The following OPRM1 variants were observed in gnomAD, a reference collection of about 807,000 sequenced individuals.
The protein encoded by OPRM1 is mu-type opioid receptor.
In OPRM1, 27 loss-of-function variants were observed where a neutral mutation model predicts 31.8. The observed-to-expected ratio is 0.85, with a 90% confidence interval of 0.63 to 1.17. OPRM1 has a LOEUF of 1.17. Among genes scored for constraint, OPRM1 ranks in the 50% most tolerant of loss-of-function variants. The pLI is 0.00. For missense variants in OPRM1, 536 were observed against 511.1 expected (o/e 1.05, Z -0.47); for synonymous variants, 196 against 189.9 (o/e 1.03, Z -0.26).
rs554206677 is a variant in OPRM1 at position 154,216,277 on chromosome 6, T to TA, written c.1165-30415dup. The stretch of plus-strand genomic sequence containing the variant: ...AACACTGATTCTATCAATTTCCTGT[T>TA]ATAATGAAGCTAATGAGAGGACTAA... On this transcript the variant is annotated intron_variant, in intron 3 of 3. Coordinates refer to the OPRM1 transcript ENST00000337049. Among the ~76,000 whole-genome samples, 1,039 of 152,210 alleles carry TA rather than the reference T, an allele frequency of 6.8e-3. 11 individuals carry two copies. Among genetic ancestry groups the TA allele is most frequent in the Middle Eastern group, 0.024 (7 of 294 alleles).
At chr6:154,162,438 T>G (rs961386647) in intron 3 of OPRM1, among the ~76,000 whole-genome samples, 4 of 152,202 alleles carry the variant, frequency 2.6e-5, no homozygotes, top group African/African-American at 9.7e-5. Context: ...ATCAGTGACC[T>G]CCATGTTGTT....
intron 3 of OPRM1, among the ~76,000 whole-genome samples, chr6:154,144,316 A>G (rs553498756): frequency 3.9e-5 from 6 of 152,360 alleles, no homozygotes; most frequent in South Asian, 4.1e-4. Context: ...TTTACTTTCA[A>G]AGCTACTGTT....
At chr6:154,027,314 T>G (rs1286234616) in intron 1 of OPRM1, among the ~76,000 whole-genome samples, 1 of 152,050 alleles carries the variant, frequency 6.6e-6, no homozygotes, top group East Asian at 1.9e-4. Flanking sequence ...TCCTGTTACT[T>G]TCTCCAAAAC....
upstream of OPRM1, among the ~76,000 whole-genome samples, chr6:154,036,534 G>A (rs373826863): frequency 6.7e-4 from 102 of 151,992 alleles, no homozygotes; most frequent in African/African-American, 2.3e-3. Context: ...CTAGAAAAGG[G>A]CAATGGGAAT....
At chr6:154,236,000 G>A (rs1044936631) in intron 3 of OPRM1, among the ~76,000 whole-genome samples, 5 of 152,150 alleles carry the variant, frequency 3.3e-5, no homozygotes, top group African/African-American at 7.2e-5. Flanking sequence ...GCATGGTAGC[G>A]CCTCAAAAAC....
chr6:154,060,735 C>A (rs940383459), intron 1 of OPRM1, among the ~76,000 whole-genome samples: 4 of 152,052 alleles, frequency 2.6e-5, no homozygotes, highest in African/African-American at 9.7e-5. Context: ...GCCATAATAA[C>A]AGGAGAACAA....
intron 3 of OPRM1, among the ~76,000 whole-genome samples, chr6:154,114,227 T>C (rs889580716): frequency 6.6e-6 from 1 of 152,194 alleles, no homozygotes; most frequent in African/African-American, 2.4e-5. Context: ...AGGAGAGCCA[T>C]AGAGCAAAGA....
chr6:154,181,975 G>A (rs1199652092), intron 3 of OPRM1, among the ~76,000 whole-genome samples: 2 of 152,176 alleles, frequency 1.3e-5, no homozygotes, highest in South Asian at 2.1e-4. Context: ...GTTGGGAAAG[G>A]TGAGGCGATT....
chr6:154,123,727 C>T lies in OPRM1; in HGVS notation c.*5006C>T, dbSNP rs1249142173. ...CTTTTAAGACCGCATAGGGCAACTT[C>T]CTGACATTGCCATGGCATTTGTAAA... is the stretch of plus-strand genomic sequence containing the variant. On this transcript the variant is annotated 3_prime_UTR_variant, in exon 4 of 4. Transcript: ENST00000330432. Among the ~76,000 whole-genome samples, 4 of 152,162 alleles carry T rather than the reference C, an allele frequency of 2.6e-5. No homozygotes were observed. Among genetic ancestry groups the T allele is most frequent in the Admixed American group, 2.0e-4 (3 of 15,284 alleles).
At chr6:154,036,897 G>A (rs1779336197), upstream of OPRM1, among the ~76,000 whole-genome samples, 1 of 151,922 alleles carries the variant, frequency 6.6e-6, no homozygotes, top group African/African-American at 2.4e-5. Flanking sequence ...GAGAGTGAGG[G>A]AGGGAGTCCA....
intron 3 of OPRM1, among the ~76,000 whole-genome samples, chr6:154,142,822 T>C (rs564021908): frequency 1.3e-5 from 2 of 152,318 alleles, no homozygotes; most frequent in East Asian, 3.9e-4. Context: ...CTAGCTCGGA[T>C]ACCTTCCACT....
At chr6:154,090,615 C>A (rs1037211317) in intron 2 of OPRM1, among the ~76,000 whole-genome samples, 8 of 152,054 alleles carry the variant, frequency 5.3e-5, no homozygotes, top group African/African-American at 1.7e-4. Context: ...TACCTGGAGC[C>A]GCCTAGAGAC....
rs984072110 is a variant in OPRM1, at chr6:154,168,999, A to G, written c.1164+77527A>G. Among the ~76,000 whole-genome samples the G allele has an allele frequency of 5.9e-5, 9 of 151,682 alleles. No homozygotes were observed. The highest frequency in any genetic ancestry group is 4.6e-4 in the Admixed American group (7 of 15,218). On this transcript the variant is annotated intron_variant, in intron 3 of 3. Coordinates refer to the OPRM1 transcript ENST00000337049. The surrounding 1 kb of genome is among the most constrained non-coding windows in gnomAD (Gnocchi z 4.1). Reference sequence around the variant, plus strand: ...TGTGTTTCTCACGTGCAATATATTCACCTCATCCCAACAACTCCAAAAGTC... The same window carrying G: ...TGTGTTTCTCACGTGCAATATATTCGCCTCATCCCAACAACTCCAAAAGTC...
In OPRM1 at chr6:154,076,451, G is replaced by T. The variant is rs532636765; in HGVS notation, c.291-13375G>T. 2.6e-5 allele frequency among the ~76,000 whole-genome samples: 4 copies of T among 152,148 alleles called. No individual in the cohort carries two copies. The South Asian group carries it at 8.3e-4, about 32-fold the overall frequency. ...CAGTACAATTAACCCAGAAATAGAT[G>T]AAATTATTTTCAACCTCTAATTAGT... On this transcript the variant is annotated intron_variant, in intron 1 of 3. Transcript: ENST00000330432.
At chr6:154,117,877 G>GTGTGTGTGTGTA (rs1286802823) in intron 3 of OPRM1, among the ~76,000 whole-genome samples, 2 of 151,722 alleles carry the variant, frequency 1.3e-5, no homozygotes, top group Non-Finnish European at 2.9e-5. Context: ...GTGTGTGTGT[G>GTGTGTGTGTGTA]TGTGTGTGTG....
intron 3 of OPRM1, among the ~76,000 whole-genome samples, chr6:154,228,669 G>T (rs961885687): frequency 2.0e-5 from 3 of 152,150 alleles, no homozygotes; most frequent in African/African-American, 7.2e-5. Flanking sequence ...GAAATGTAAA[G>T]GTTGCTGATC....
intron 3 of OPRM1, chr6:154,093,385 C>T (rs535120769): frequency 9.3e-6 from 15 of 1,614,144 alleles, no homozygotes; most frequent in Admixed American, 3.3e-5. Context: ...ATCCTTCACT[C>T]GTCCTGCCTT....
intron 3 of OPRM1, chr6:154,110,523 A>G: frequency 1.4e-6 from 1 of 716,820 alleles, no homozygotes; most frequent in Non-Finnish European, 2.4e-6. Context: ...CCATGGCTTA[A>G]GGGTTGCTTA....
At chr6:154,223,340 CAT>C (rs2128618544) in intron 3 of OPRM1, 1 of 948,336 alleles carries the variant, frequency 1.1e-6, no homozygotes, top group Admixed American at 2.0e-5. Flanking sequence ...GTATAAATGA[CAT>C]GAGGGAGAAT....
Sources: gnomAD v4.1 joint callset for allele counts (sites outside exome capture counted in the v4.1 genomes callset) on GRCh38, gnomAD v4.1.1 for gene constraint, Gnocchi (gnomAD v3.1) non-coding constraint, MANE v1.5 for transcripts, NCBI Gene and HGNC (gene_info 2026-07-23, HGNC 2026-07-21) for gene names.